Variants in INPP4A observed in about 807,000 individuals in gnomAD.
INPP4A encodes inositol polyphosphate-4-phosphatase, type I, 107kD.
A neutral mutation model predicts 119.8 loss-of-function variants in INPP4A; 33 were observed. That is an observed-to-expected ratio of 0.28 (90% CI 0.21 to 0.37). The LOEUF (loss-of-function observed/expected upper bound fraction) is 0.37. Among genes scored for constraint, INPP4A ranks in the 10% least tolerant of loss-of-function variants. INPP4A has a pLI of 1.00. For missense variants in INPP4A, 956 were observed against 1,289.9 expected (o/e 0.74, Z 3.97); for synonymous variants, 496 against 500.7 (o/e 0.99, Z 0.12).
At chr2:98,474,136 G>A (rs976482691) in intron 1 of INPP4A, among the ~76,000 whole-genome samples, 2 of 152,138 alleles carry the variant, frequency 1.3e-5, no homozygotes, top group African/African-American at 4.8e-5. Context: ...GTATATGCAG[G>A]TTGTGAAGTC....
intron 1 of INPP4A, among the ~76,000 whole-genome samples, chr2:98,470,360 T>C (rs1346308176): frequency 1.3e-5 from 2 of 152,230 alleles, no homozygotes; most frequent in African/African-American, 4.8e-5. Flanking sequence ...CTGATTGGAC[T>C]CCTGCCTCAG....
chr2:98,459,254 T>C (rs907465790), intron 1 of INPP4A, among the ~76,000 whole-genome samples: 1 of 152,194 alleles, frequency 6.6e-6, no homozygotes, highest in African/African-American at 2.4e-5. Context: ...AGCACTCTGA[T>C]TGCCTCACCT....
intron 21 of INPP4A, among the ~76,000 whole-genome samples, chr2:98,567,159 T>C (rs868607581): frequency 6.6e-5 from 10 of 151,808 alleles, no homozygotes; most frequent in African/African-American, 2.4e-4. Flanking sequence ...GGGACAAGTG[T>C]GAGGAGGAGG....
Position 98,533,412 on chromosome 2 carries a change from A to G in INPP4A, c.187A>G (p.Lys63Glu), listed in dbSNP as rs1476592341. 8 of 1,613,608 alleles carry G rather than the reference A, an allele frequency of 5.0e-6. No homozygotes were observed. The highest frequency in any genetic ancestry group is 2.5e-6 in the Non-Finnish European group (3 of 1,179,836). ...SELHTPSLDRKPNSFVAVSVT... is the reference protein window; with the variant it reads ...SELHTPSLDREPNSFVAVSVT... The stretch of plus-strand genomic sequence containing the variant: ...GCTGCATACTCCATCGCTAGATCGA[A>G]AGCCAAATAGTTTTGTTGCGGTGAG... The change falls in exon 5 of 25, where the codon AAG becomes GAG. Residue 63 changes from lysine (K) to glutamate (E), a missense_variant. Lys to Glu is a moderately conservative substitution (Grantham distance 56). Coordinates refer to ENST00000409851, the MANE Select transcript of INPP4A (RefSeq NM_001134225.2).
chr2:98,484,652 G>A (rs532901716), intron 1 of INPP4A, among the ~76,000 whole-genome samples: 1 of 152,250 alleles, frequency 6.6e-6, no homozygotes, highest in South Asian at 2.1e-4. Flanking sequence ...ATAGTCTAGA[G>A]GAAGAAAACC....
At chr2:98,539,445 CT>C in intron 9 of INPP4A, 82 bp from the exon 10 acceptor site, 2 of 1,472,626 alleles carry the variant, frequency 1.4e-6, no homozygotes, top group Non-Finnish European at 1.8e-6. Context: ...GTCACCATCC[CT>C]GAGGGCCGGG....
intron 1 of INPP4A, among the ~76,000 whole-genome samples, chr2:98,495,735 G>A (rs1681798598): frequency 3.3e-5 from 5 of 152,200 alleles, no homozygotes; most frequent in Admixed American, 3.3e-4. Context: ...GTTAAGATAA[G>A]GGGTTGTGGA....
At position 98,594,160 on chromosome 2, in the gene INPP4A, A is replaced by G. The variant is rs1419952578; in HGVS notation, c.*6552A>G. Reference sequence around the variant, plus strand: ...CATAATCGGTTACGCTAAATGCATCACGAGCCAAATTCAAAAGGTCAAAGG... The same window carrying G: ...CATAATCGGTTACGCTAAATGCATCGCGAGCCAAATTCAAAAGGTCAAAGG... On this transcript the variant is annotated 3_prime_UTR_variant, in exon 25 of 25. Transcript: ENST00000409851. 6.6e-6 allele frequency: 1 copy of G among 152,200 alleles called. No homozygotes were observed. The highest frequency in any genetic ancestry group is 1.5e-5 in the Non-Finnish European group (1 of 68,040). The allele number at this position is 152,200 out of a possible 1,614,324, so 9.4% of individuals were successfully genotyped here. A position where few individuals can be genotyped will look rare whatever the true frequency, so the allele number is the denominator to read the frequency against.
chr2:98,482,647 A>G lies in INPP4A; in HGVS notation c.-165-36317A>G, dbSNP rs1391303903. Among the ~76,000 whole-genome samples, 3 of 152,244 alleles carry G rather than the reference A, an allele frequency of 2.0e-5. No individual in the cohort carries two copies. In the South Asian group the frequency reaches 6.2e-4, roughly 31 times the overall value. ...CAGGGAGGCCAGCGACCAGCCAGTCAGTGCTGACAGTAGGCAAGTGTGGTT... is the reference window on the plus strand; with the variant it reads ...CAGGGAGGCCAGCGACCAGCCAGTCGGTGCTGACAGTAGGCAAGTGTGGTT... On this transcript the variant is annotated intron_variant, in intron 1 of 24. Coordinates refer to ENST00000409851, the MANE Select transcript of INPP4A (RefSeq NM_001134225.2).
intron 4 of INPP4A, among the ~76,000 whole-genome samples, chr2:98,532,789 A>G (rs1433053191): frequency 1.8e-4 from 27 of 152,230 alleles, no homozygotes; most frequent in Admixed American, 1.8e-3. Context: ...CAGCTCCATT[A>G]TAATCTGTGA....
intron 1 of INPP4A, among the ~76,000 whole-genome samples, chr2:98,446,316 G>A (rs1021649824): frequency 6.6e-6 from 1 of 152,212 alleles, no homozygotes; most frequent in East Asian, 1.9e-4. Flanking sequence ...TTTGGATCTA[G>A]GCTAGGGCAT....
chr2:98,485,697 T>C (rs1039459271), intron 1 of INPP4A, among the ~76,000 whole-genome samples: 1 of 152,216 alleles, frequency 6.6e-6, no homozygotes, highest in Non-Finnish European at 1.5e-5. Flanking sequence ...GTATTTTGAT[T>C]TTTAAATGAG....
chr2:98,565,796 C>G (rs759374549), intron 20 of INPP4A, 30 bp downstream of exon 20: 1 of 1,599,774 alleles, frequency 6.3e-7, no homozygotes, highest in Admixed American at 1.8e-5. Context: ...TTCTCTGAGC[C>G]AGAGAGCGGT....
At chr2:98,497,601 G>C (rs765102317) in intron 1 of INPP4A, among the ~76,000 whole-genome samples, 4 of 152,246 alleles carry the variant, frequency 2.6e-5, no homozygotes, top group Non-Finnish European at 5.9e-5. Context: ...TGGATTATTT[G>C]TTTTCTGCAG....
intron 1 of INPP4A, among the ~76,000 whole-genome samples, chr2:98,448,571 T>C (rs1208873529): frequency 3.9e-5 from 6 of 152,194 alleles, no homozygotes; most frequent in African/African-American, 1.4e-4. Context: ...ATAGACATAT[T>C]TGAAGACTAC....
In INPP4A at chr2:98,570,017, G is replaced by T. The variant is rs1439991688; in HGVS notation, c.2518+1349G>T. Among the ~76,000 whole-genome samples the T allele has an allele frequency of 6.6e-6, 1 of 152,168 alleles. No homozygotes were observed. Among genetic ancestry groups the T allele is most frequent in the East Asian group, 1.9e-4 (1 of 5,176 alleles). On this transcript the variant is annotated intron_variant, in intron 22 of 24. Transcript: ENST00000409851. The surrounding 1 kb of genome is among the most constrained non-coding windows in gnomAD (Gnocchi z 4.3). ...TGGGCTGAGGATGCACTCCTCAGCG[G>T]CCACGTGCAGCTGGCGCTGGGGAGG...
intron 1 of INPP4A, among the ~76,000 whole-genome samples, chr2:98,460,299 A>G (rs1696926904): frequency 6.6e-6 from 1 of 152,076 alleles, no homozygotes. Context: ...GCCTCAGGGA[A>G]GGGTGAGTTA....
At chr2:98,526,714 A>G (rs1688238598) in intron 4 of INPP4A, among the ~76,000 whole-genome samples, 1 of 152,188 alleles carries the variant, frequency 6.6e-6, no homozygotes, top group Non-Finnish European at 1.5e-5. Context: ...TTATAAAGAA[A>G]AGAAGTTTAA....
chr2:98,582,094 G>A (rs1475279531), intron 24 of INPP4A, among the ~76,000 whole-genome samples: 2 of 152,136 alleles, frequency 1.3e-5, no homozygotes, highest in Admixed American at 6.5e-5. Context: ...CCTCTCATGT[G>A]CCCTGTTTCC....
Sources: allele counts gnomAD v4.1 joint callset (sites outside exome capture counted in the v4.1 genomes callset), GRCh38; gene constraint gnomAD v4.1.1; non-coding constraint Gnocchi (gnomAD v3.1); transcripts MANE v1.5; gene names NCBI Gene and HGNC (gene_info 2026-07-23, HGNC 2026-07-21).